The following SDK1 variants were observed in gnomAD, a reference collection of about 807,000 sequenced individuals.
SDK1 encodes protein sidekick-1.
Under a neutral mutation model 245.5 loss-of-function variants are expected in SDK1, and 157 were observed. That is an observed-to-expected ratio of 0.64 (90% CI 0.56 to 0.73). SDK1 has a LOEUF of 0.73. SDK1 is among the 30% of genes least tolerant of loss of function. The pLI is 0.00. For missense variants in SDK1, 3,583 were observed against 3,002.3 expected (o/e 1.19, Z -4.52); for synonymous variants, 1,647 against 1,278.5 (o/e 1.29, Z -6.15).
chr7:4,198,966 A>G (rs1402695849), intron 35 of SDK1, among the ~76,000 whole-genome samples: 1 of 151,810 alleles, frequency 6.6e-6, no homozygotes, highest in Non-Finnish European at 1.5e-5. Flanking sequence ...GGCACGCACC[A>G]CCACGCCTGG....
intron 20 of SDK1, among the ~76,000 whole-genome samples, chr7:4,069,155 C>G (rs1478968319): frequency 3.3e-5 from 5 of 152,204 alleles, no homozygotes; most frequent in African/African-American, 1.2e-4. Context: ...GCCCCCTGTT[C>G]TACTGTTTTA....
intron 43 of SDK1, among the ~76,000 whole-genome samples, chr7:4,242,521 C>T (rs1033684620): frequency 7.9e-5 from 12 of 152,166 alleles, no homozygotes; most frequent in Admixed American, 6.5e-4. Flanking sequence ...AGAGCGCCAT[C>T]CTCTGATTTG....
At chr7:3,567,082 A>G (rs190616811) in intron 1 of SDK1, among the ~76,000 whole-genome samples, 55 of 152,280 alleles carry the variant, frequency 3.6e-4, no homozygotes, top group African/African-American at 1.1e-3. Flanking sequence ...TAGATAATTG[A>G]ATAAGGGATA....
chr7:3,345,127 G>C (rs1490697708), intron 1 of SDK1, among the ~76,000 whole-genome samples: 1 of 152,214 alleles, frequency 6.6e-6, no homozygotes, highest in Non-Finnish European at 1.5e-5. Context: ...TTTGATCACT[G>C]CTGCATTGAA....
intron 1 of SDK1, among the ~76,000 whole-genome samples, chr7:3,591,255 CA>C (rs1780865413): frequency 6.6e-6 from 1 of 152,030 alleles, no homozygotes; most frequent in African/African-American, 2.4e-5. Context: ...TTTCCTTTTG[CA>C]GTGTCATAAT....
intron 28 of SDK1, among the ~76,000 whole-genome samples, chr7:4,136,682 C>T (rs1779116235): frequency 1.3e-5 from 2 of 152,260 alleles, no homozygotes; most frequent in Admixed American, 6.5e-5. Context: ...ACTGGTATTA[C>T]GCTAACGTGA....
intron 5 of SDK1, among the ~76,000 whole-genome samples, chr7:3,920,830 A>T (rs1369804142): frequency 6.6e-6 from 1 of 152,136 alleles, no homozygotes; most frequent in Admixed American, 6.5e-5. Context: ...GACTGCTCGG[A>T]GGTTATTTAC....
At chr7:3,897,717 C>T (rs996952577) in intron 5 of SDK1, among the ~76,000 whole-genome samples, 3 of 150,616 alleles carry the variant, frequency 2.0e-5, no homozygotes, top group African/African-American at 7.5e-5. Flanking sequence ...ATAGTCATCT[C>T]ACCATGTAGT....
rs545534648 is a variant in SDK1, at chr7:3,945,842, T to A, written c.848-5081T>A. On this transcript the variant is annotated intron_variant, in intron 5 of 44. Coordinates refer to ENST00000404826, the MANE Select transcript of SDK1 (RefSeq NM_152744.4). Reference sequence around the variant, plus strand: ...TGAACCTGGGGAGCGGAGCTTGCAGTGACCTGAGATCGTGCCACTGCACTC... The same window carrying A: ...TGAACCTGGGGAGCGGAGCTTGCAGAGACCTGAGATCGTGCCACTGCACTC... Among the ~76,000 whole-genome samples, 3 of 124,752 alleles carry A rather than the reference T, an allele frequency of 2.4e-5. No individual in the cohort carries two copies. In the South Asian group the frequency reaches 8.0e-4, roughly 33 times the overall value. 81.8% of individuals were successfully genotyped at this position (124,752 alleles called of 152,430 possible).
At chr7:3,852,744 C>A (rs1780449688) in intron 5 of SDK1, among the ~76,000 whole-genome samples, 2 of 124,620 alleles carry the variant, frequency 1.6e-5, no homozygotes, top group Non-Finnish European at 3.2e-5. Context: ...GAGCAAGACT[C>A]CGTCTCAAAA....
intron 1 of SDK1, among the ~76,000 whole-genome samples, chr7:3,442,938 T>A (rs143789311): frequency 2.4e-4 from 37 of 152,306 alleles, no homozygotes; most frequent in African/African-American, 8.2e-4. Flanking sequence ...ATTTAAAAAC[T>A]AATTTCTCCC....
At chr7:3,874,599 A>T (rs1016275855) in intron 5 of SDK1, among the ~76,000 whole-genome samples, 1 of 151,322 alleles carries the variant, frequency 6.6e-6, no homozygotes, top group Non-Finnish European at 1.5e-5. Flanking sequence ...CTCCTTCTCC[A>T]CCCCCGTTCC....
chr7:4,152,289 G>A (rs1015031813), intron 30 of SDK1, among the ~76,000 whole-genome samples: 2 of 152,204 alleles, frequency 1.3e-5, no homozygotes, highest in African/African-American at 4.8e-5. Flanking sequence ...CCCCTCCAGA[G>A]GAAGGCACTC....
At chr7:3,508,437 C>T (rs1413471190) in intron 1 of SDK1, among the ~76,000 whole-genome samples, 2 of 151,296 alleles carry the variant, frequency 1.3e-5, no homozygotes, top group Non-Finnish European at 2.9e-5. Flanking sequence ...AAACAATTCT[C>T]CTGCCTCAGC....
intron 2 of SDK1, among the ~76,000 whole-genome samples, chr7:3,626,927 ATT>A (rs3086087): frequency 3.4e-5 from 5 of 147,888 alleles, no homozygotes; most frequent in South Asian, 4.3e-4. Context: ...AGGTTCAACA[ATT>A]TTTTTTTTTT....
At chr7:3,425,240 T>C (rs1779643641) in intron 1 of SDK1, among the ~76,000 whole-genome samples, 1 of 152,176 alleles carries the variant, frequency 6.6e-6, no homozygotes, top group South Asian at 2.1e-4. Flanking sequence ...GGCCTGTTGT[T>C]ATCTTCCTAT....
At chr7:3,345,717 G>T (rs1207944266) in intron 1 of SDK1, among the ~76,000 whole-genome samples, 1 of 152,174 alleles carries the variant, frequency 6.6e-6, no homozygotes, top group African/African-American at 2.4e-5. Context: ...ATGCCTTGCC[G>T]TCTCTTTCCT....
intron 33 of SDK1, among the ~76,000 whole-genome samples, chr7:4,175,373 C>T (rs1378723254): frequency 6.6e-6 from 1 of 152,248 alleles, no homozygotes. Context: ...GGTCGCGCAG[C>T]TCTCCCTGAG....
chr7:4,199,866 C>G (rs1175943073), intron 35 of SDK1, among the ~76,000 whole-genome samples: 2 of 152,128 alleles, frequency 1.3e-5, no homozygotes, highest in African/African-American at 4.8e-5. Flanking sequence ...TCAAATTAAC[C>G]CATGCACAGT....
Sources: allele counts gnomAD v4.1 joint callset (sites outside exome capture counted in the v4.1 genomes callset), GRCh38; gene constraint gnomAD v4.1.1; transcripts MANE v1.5; gene names NCBI Gene and HGNC (gene_info 2026-07-23, HGNC 2026-07-21).